Variants in ADARB2 observed in about 807,000 individuals in gnomAD.
ADARB2 encodes the protein inactive double-stranded RNA-specific editase B2.
Under a neutral mutation model 62.2 loss-of-function variants are expected in ADARB2, and 25 were observed. The observed-to-expected ratio is 0.40, with a 90% CI of 0.29 to 0.56. The LOEUF (loss-of-function observed/expected upper bound fraction) is 0.56, where lower values mean the gene tolerates loss of function less well. ADARB2 is among the 20% of genes least tolerant of loss of function. The pLI is 0.43. For missense variants in ADARB2, 1,071 were observed against 1,077.4 expected (o/e 0.99, Z 0.08); for synonymous variants, 572 against 500.8 (o/e 1.14, Z -1.90).
At chr10:1,200,508 C>G (rs1027532694) in intron 7 of ADARB2, 1 of 452,322 alleles carries the variant, frequency 2.2e-6, no homozygotes, top group South Asian at 6.0e-5. Flanking sequence ...CTGGGAAATA[C>G]TATAAATGGA....
At chr10:1,639,663 T>C (rs903192967) in intron 1 of ADARB2, among the ~76,000 whole-genome samples, 1 of 152,106 alleles carries the variant, frequency 6.6e-6, no homozygotes, top group East Asian at 1.9e-4. Flanking sequence ...ACCAACATGG[T>C]GAAACCTGTC....
chr10:1,438,211 G>C (rs1227411412), intron 1 of ADARB2, among the ~76,000 whole-genome samples: 3 of 151,938 alleles, frequency 2.0e-5, no homozygotes, highest in African/African-American at 7.3e-5. Flanking sequence ...TCACGACAGG[G>C]CTCCTGAGTC....
chr10:1,548,686 A>C (rs761790988), intron 1 of ADARB2, among the ~76,000 whole-genome samples: 3 of 152,176 alleles, frequency 2.0e-5, no homozygotes, highest in Non-Finnish European at 4.4e-5. Context: ...AAGATCTAGG[A>C]TAAGGAGAGA....
chr10:1,457,891 C>T (rs1215564333), intron 1 of ADARB2, among the ~76,000 whole-genome samples: 1 of 152,220 alleles, frequency 6.6e-6, no homozygotes, highest in Non-Finnish European at 1.5e-5. Context: ...CAACCCGAGG[C>T]GAATGCATCA....
intron 1 of ADARB2, among the ~76,000 whole-genome samples, chr10:1,709,156 C>G (rs1189659843): frequency 6.6e-6 from 1 of 152,160 alleles, no homozygotes; most frequent in Non-Finnish European, 1.5e-5. Context: ...AAGTGGAGAC[C>G]TACTTATGTT....
chr10:1,246,279 C>G (rs926825703), intron 4 of ADARB2, among the ~76,000 whole-genome samples: 2 of 150,768 alleles, frequency 1.3e-5, no homozygotes, highest in Non-Finnish European at 3.0e-5. Context: ...TTCTCCCATT[C>G]TGTAGGTTGC....
intron 1 of ADARB2, among the ~76,000 whole-genome samples, chr10:1,481,508 T>C (rs956043094): frequency 2.0e-5 from 3 of 152,132 alleles, no homozygotes; most frequent in African/African-American, 4.8e-5. Flanking sequence ...GGGAGTGAAA[T>C]AGAAACCCAC....
intron 1 of ADARB2, among the ~76,000 whole-genome samples, chr10:1,717,132 G>T (rs1835028543): frequency 7.7e-6 from 1 of 129,754 alleles, no homozygotes; most frequent in Non-Finnish European, 1.6e-5. Flanking sequence ...CGGCTCCTCT[G>T]TCTCTGCTTG....
intron 2 of ADARB2, among the ~76,000 whole-genome samples, chr10:1,367,464 T>C (rs1832323299): frequency 6.6e-6 from 1 of 152,232 alleles, no homozygotes; most frequent in East Asian, 1.9e-4. Context: ...TCATTTACAG[T>C]TGATGGCGGC....
intron 3 of ADARB2, among the ~76,000 whole-genome samples, chr10:1,273,479 C>T (rs1394901099): frequency 4.6e-5 from 7 of 152,168 alleles, no homozygotes; most frequent in Admixed American, 3.3e-4. Context: ...TTGCCATGAA[C>T]GACGTCCACA....
At chr10:1,671,362 T>A (rs1312550989) in intron 1 of ADARB2, among the ~76,000 whole-genome samples, 1 of 152,200 alleles carries the variant, frequency 6.6e-6, no homozygotes, top group African/African-American at 2.4e-5. Context: ...TTGCTGTGCT[T>A]TTTGTTTACA....
intron 3 of ADARB2, among the ~76,000 whole-genome samples, chr10:1,306,221 C>T (rs1831626501): frequency 6.6e-6 from 1 of 151,610 alleles, no homozygotes; most frequent in Admixed American, 6.6e-5. Context: ...TCTCAGGATA[C>T]AAAATCAATG....
intron 8 of ADARB2, among the ~76,000 whole-genome samples, chr10:1,198,807 A>G (rs901184305): frequency 1.3e-5 from 2 of 152,256 alleles, no homozygotes; most frequent in Non-Finnish European, 2.9e-5. Context: ...AGATGGACAC[A>G]TGATTGAAAA....
At chr10:1,484,357 GAGA>G (rs1177971875) in intron 1 of ADARB2, among the ~76,000 whole-genome samples, 1 of 152,212 alleles carries the variant, frequency 6.6e-6, no homozygotes, top group Non-Finnish European at 1.5e-5. Context: ...GTGAGAAACT[GAGA>G]AGGAGAAGTT....
intron 1 of ADARB2, among the ~76,000 whole-genome samples, chr10:1,696,126 TGTA>T (rs919292439): frequency 6.6e-5 from 10 of 151,150 alleles, no homozygotes; most frequent in Admixed American, 1.3e-4. Context: ...CATGTTTGCA[TGTA>T]GTATCACACA....
chr10:1,619,484 G>A (rs529896514), intron 1 of ADARB2, among the ~76,000 whole-genome samples: 60 of 152,098 alleles, frequency 3.9e-4, no homozygotes, highest in African/African-American at 1.4e-3. Flanking sequence ...TCAGAGTCTC[G>A]CTCTGTCACC....
At chr10:1,513,106 T>C (rs1205345018) in intron 1 of ADARB2, among the ~76,000 whole-genome samples, 1 of 152,200 alleles carries the variant, frequency 6.6e-6, no homozygotes, top group Non-Finnish European at 1.5e-5. Context: ...CTTTGGAAGG[T>C]GATGGGCATG....
At position 1,704,902 on chromosome 10, in the gene ADARB2, A is replaced by C. The variant is rs1189524786; in HGVS notation, c.100+32149T>G. Among the ~76,000 whole-genome samples, 1 of 152,086 alleles carries C rather than the reference A, an allele frequency of 6.6e-6. No homozygotes were observed. The highest frequency in any genetic ancestry group is 1.9e-4 in the East Asian group (1 of 5,172). On this transcript the variant is annotated intron_variant, in intron 1 of 9. Transcript: ENST00000381312. This position sits in a 1 kb window ranked among gnomAD's most constrained non-coding sequence, Gnocchi z 5.6. ...AGCAGTTTATCATTTGAGCAGGAAAAGGGTGCAGGGGAGACCATGAGGGCG... is the reference window on the plus strand; with the variant it reads ...AGCAGTTTATCATTTGAGCAGGAAACGGGTGCAGGGGAGACCATGAGGGCG...
chr10:1,515,606 G>A (rs1831998961), intron 1 of ADARB2, among the ~76,000 whole-genome samples: 1 of 152,194 alleles, frequency 6.6e-6, no homozygotes, highest in South Asian at 2.1e-4. Context: ...CCCCGTTCTT[G>A]GAGCACTGGT....
Sources: allele counts gnomAD v4.1 joint callset (sites outside exome capture counted in the v4.1 genomes callset), GRCh38; gene constraint gnomAD v4.1.1; non-coding constraint Gnocchi (gnomAD v3.1); transcripts MANE v1.5; gene names NCBI Gene and HGNC (gene_info 2026-07-23, HGNC 2026-07-21).